Variants in FAM135A observed in about 807,000 individuals in gnomAD.
FAM135A encodes the protein protein FAM135A.
Under a neutral mutation model 146.8 loss-of-function variants are expected in FAM135A, and 79 were observed. That is an observed-to-expected ratio of 0.54 (90% CI 0.45 to 0.65). FAM135A has a LOEUF of 0.65. Ranked by LOEUF, FAM135A falls within the 30% of genes least tolerant of loss-of-function variation. The probability of loss-of-function intolerance (pLI) is 0.00; values close to 1 mark genes in which losing one functional copy is unlikely to be tolerated. For synonymous variants in FAM135A, 562 were observed against 603.6 expected, an observed-to-expected ratio of 0.93 and a Z score of 1.01; for missense variants, 1,623 against 1,758.2, an observed-to-expected ratio of 0.92 and a Z score of 1.38.
At chr6:70,488,450 A>C (rs1201381626) in intron 10 of FAM135A, among the ~76,000 whole-genome samples, 1 of 124,404 alleles carries the variant, frequency 8.0e-6, no homozygotes, top group Non-Finnish European at 1.7e-5. Flanking sequence ...ACCTTGGATT[A>C]GTAATAAGAG....
intron 20 of FAM135A, among the ~76,000 whole-genome samples, chr6:70,543,066 T>C (rs1158176944): frequency 1.3e-5 from 2 of 152,244 alleles, no homozygotes; most frequent in Non-Finnish European, 2.9e-5. Context: ...ATATTCAGTA[T>C]GTACCATAGC....
chr6:70,533,649 A>G (rs9283835), intron 17 of FAM135A, 108 bp from the exon 18 acceptor site: 138,449 of 682,372 alleles, frequency 0.2, 16,724 homozygotes, highest in African/African-American at 0.48. Flanking sequence ...TAAAACATTG[A>G]ACTTAACCAT....
chr6:70,481,451 C>A (rs1400409531), intron 9 of FAM135A, among the ~76,000 whole-genome samples: 1 of 151,970 alleles, frequency 6.6e-6, no homozygotes, highest in Non-Finnish European at 1.5e-5. Flanking sequence ...GAGTTTGATA[C>A]CAGCCTGAGC....
At chr6:70,451,163 G>T (rs1399394527) in intron 4 of FAM135A, among the ~76,000 whole-genome samples, 1 of 152,036 alleles carries the variant, frequency 6.6e-6, no homozygotes, top group Admixed American at 6.6e-5. Context: ...GCAGACTTTT[G>T]TTTAAATGTC....
intron 5 of FAM135A, among the ~76,000 whole-genome samples, chr6:70,453,955 A>G (rs1268780611): frequency 5.3e-5 from 8 of 152,192 alleles, no homozygotes; most frequent in Admixed American, 5.2e-4. Context: ...GTCAAACGAT[A>G]TTTCTAGTTC....
At chr6:70,552,893 C>T (rs1800105495) in intron 20 of FAM135A, among the ~76,000 whole-genome samples, 1 of 152,114 alleles carries the variant, frequency 6.6e-6, no homozygotes, top group East Asian at 1.9e-4. Context: ...TATTAAAAAT[C>T]AAATCTGTTG....
At chr6:70,459,518 A>G (rs1351508836) in intron 5 of FAM135A, among the ~76,000 whole-genome samples, 2 of 152,214 alleles carry the variant, frequency 1.3e-5, no homozygotes, top group African/African-American at 4.8e-5. Context: ...AAAAGCATTC[A>G]TAGACTTTTA....
At chr6:70,556,672 G>A in intron 20 of FAM135A, 78 bp from the exon 21 acceptor site, 2 of 883,228 alleles carry the variant, frequency 2.3e-6, no homozygotes, top group South Asian at 2.5e-5. Flanking sequence ...TTATTTTTTG[G>A]TCACTTAATA....
chr6:70,537,226 G>A (rs1028472244), intron 19 of FAM135A, among the ~76,000 whole-genome samples: 6 of 152,066 alleles, frequency 3.9e-5, no homozygotes, highest in Non-Finnish European at 2.9e-5. Context: ...GAGCCACTGC[G>A]CCTGGCCTTG....
In FAM135A at chr6:70,428,436, GA is replaced by G; in HGVS notation, c.77+21del. The stretch of plus-strand genomic sequence containing the variant: ...TCAGAGAGGGTATGTATTTTATTGT[GA>G]AAATGATATATTTTGCATAAGATGT... On this transcript the variant is annotated intron_variant, in intron 4 of 21. Coordinates refer to ENST00000418814, the MANE Select transcript of FAM135A (RefSeq NM_001162529.3). 6.5e-7 allele frequency: 1 copy of G among 1,549,952 alleles called. No individual in the cohort carries two copies. The highest frequency in any genetic ancestry group is 8.8e-7 in the Non-Finnish European group (1 of 1,138,632).
In FAM135A at chr6:70,559,861, T is replaced by G; in HGVS notation, c.4488T>G (p.Leu1496=). The change falls in exon 22 of 22, where the codon CTT becomes CTG. Residue 1496 remains leucine (L), a synonymous_variant. Coordinates refer to ENST00000418814, the MANE Select transcript of FAM135A (RefSeq NM_001162529.3). ...LIGRAAHIAV[L]DSEIFLEKFF... is the part of the protein sequence containing the mutation. ...GGAGAGCTGCACATATAGCTGTTCT[T>G]GATTCGGAAATATTTTTAGAGAAAT... 6.2e-7 allele frequency: 1 copy of G among 1,614,118 alleles called. No homozygotes were observed. Among genetic ancestry groups the G allele is most frequent in the Non-Finnish European group, 8.5e-7 (1 of 1,180,014 alleles).
intron 5 of FAM135A, among the ~76,000 whole-genome samples, chr6:70,471,976 A>AAATAAAGCCTTCAAGC (rs888687500): frequency 6.6e-6 from 1 of 152,192 alleles, no homozygotes; most frequent in Admixed American, 6.5e-5. Flanking sequence ...AGCCTTCAAG[A>AAATAAAGCCTTCAAGC]AATGAAGGCT....
At chr6:70,415,592 TAAAG>T (rs1471007189) in intron 2 of FAM135A, among the ~76,000 whole-genome samples, 7 of 152,150 alleles carry the variant, frequency 4.6e-5, no homozygotes, top group Admixed American at 3.3e-4. Context: ...CAAATGCAAA[TAAAG>T]AAACTGCTGC....
chr6:70,477,065 T>C (rs1291531462), intron 7 of FAM135A, 94 bp from the exon 8 acceptor site: 2 of 1,284,852 alleles, frequency 1.6e-6, no homozygotes, highest in Admixed American at 3.0e-5. Context: ...TAAAAAGTAA[T>C]TAAGTAAATA....
intron 3 of FAM135A, 158 bp downstream of exon 3, chr6:70,426,690 C>T (rs1031171427): frequency 6.6e-6 from 1 of 152,212 alleles, no homozygotes; most frequent in Admixed American, 6.5e-5. Flanking sequence ...GTTGGCAGGA[C>T]ATGAGAGTCA....
chr6:70,424,754 G>A (rs1165755866), intron 2 of FAM135A, among the ~76,000 whole-genome samples: 4 of 152,066 alleles, frequency 2.6e-5, no homozygotes, highest in East Asian at 1.9e-4. Flanking sequence ...ACCAACACCC[G>A]GTATTGTGGC....
chr6:70,484,090 A>G (rs776102551), intron 10 of FAM135A, among the ~76,000 whole-genome samples: 1 of 152,212 alleles, frequency 6.6e-6, no homozygotes, highest in Admixed American at 6.6e-5. Context: ...TGGGCTTTTA[A>G]TGAGCACCTC....
chr6:70,487,595 A>AACAG (rs1282038269), intron 10 of FAM135A, among the ~76,000 whole-genome samples: 1 of 152,114 alleles, frequency 6.6e-6, no homozygotes, highest in Non-Finnish European at 1.5e-5. Context: ...AGGGAAACTG[A>AACAG]TTTTCTTGTC....
At position 70,428,375 on chromosome 6, in the gene FAM135A, T is replaced by C; in HGVS notation, c.33T>C (p.Ser11=). The change falls in exon 4 of 22, where the codon TCT becomes TCC. Residue 11 remains serine (S), a synonymous_variant. Coordinates refer to ENST00000418814, the MANE Select transcript of FAM135A (RefSeq NM_001162529.3). ...AAGTTCAAGCAATGGTAGAATTCTC[T>C]GTGGAGCTAAACAAGTTCTACAATG... is the stretch of plus-strand genomic sequence containing the variant. The part of the protein sequence containing the change: MTEVQAMVEF[S]VELNKFYNVD... 6.2e-7 allele frequency: 1 copy of C among 1,604,434 alleles called. No individual in the cohort carries two copies. Among genetic ancestry groups the C allele is most frequent in the South Asian group, 1.1e-5 (1 of 88,862 alleles).
Sources: gnomAD v4.1 joint callset for allele counts (sites outside exome capture counted in the v4.1 genomes callset) on GRCh38, gnomAD v4.1.1 for gene constraint, MANE v1.5 for transcripts, NCBI Gene and HGNC (gene_info 2026-07-23, HGNC 2026-07-21) for gene names.